Variants in PARP4 observed in about 807,000 individuals in gnomAD.
PARP4 encodes protein mono-ADP-ribosyltransferase PARP4.
Under a neutral mutation model 187.7 loss-of-function variants are expected in PARP4, and 120 were observed. That is an observed-to-expected ratio of 0.64 (90% CI 0.55 to 0.74). The LOEUF (loss-of-function observed/expected upper bound fraction) is 0.74, where lower values mean the gene tolerates loss of function less well. PARP4 is among the 30% of genes least tolerant of loss of function. The probability of loss-of-function intolerance (pLI) is 0.00; values close to 1 mark genes in which losing one functional copy is unlikely to be tolerated. For synonymous variants in PARP4, 654 were observed against 740.9 expected (o/e 0.88, Z 1.90); for missense variants, 1,836 against 2,070.5 (o/e 0.89, Z 2.20).
rs766994716 is a variant in PARP4 at position 24,490,648 on chromosome 13, GAT to G, written c.1214+18_1214+19del. The G allele has an allele frequency of 1.3e-6, 2 of 1,587,196 alleles. No homozygotes were observed. The highest frequency in any genetic ancestry group is 2.2e-5 in the South Asian group (2 of 89,984). The stretch of plus-strand genomic sequence containing the variant: ...AGCATTATATTATAACAGATCCTGA[GAT>G]ATTTCCTTTATGCTTACCTGTGATG... On this transcript the variant is annotated intron_variant, in intron 10 of 33. Transcript: ENST00000381989.
intron 28 of PARP4, 27 bp from the exon 29 acceptor site, chr13:24,442,712 G>A (rs769225936): frequency 2.3e-5 from 29 of 1,255,388 alleles, no homozygotes; most frequent in Non-Finnish European, 3.2e-5. Flanking sequence ...CATAAATCAT[G>A]TCCTGTTTTA....
intron 12 of PARP4, among the ~76,000 whole-genome samples, chr13:24,482,435 G>A (rs1418088473): frequency 3.3e-5 from 5 of 152,150 alleles, no homozygotes; most frequent in Admixed American, 6.5e-5. Flanking sequence ...AATCTTTCAT[G>A]AAAGGAAGAG....
intron 30 of PARP4, among the ~76,000 whole-genome samples, chr13:24,438,974 G>A (rs556931736): frequency 1.1e-4 from 17 of 149,072 alleles, no homozygotes; most frequent in Admixed American, 4.0e-4. Flanking sequence ...TACATGGTCC[G>A]TTCAAACAAC....
chr13:24,440,522 C>T (rs552892709), intron 30 of PARP4, among the ~76,000 whole-genome samples: 19 of 151,726 alleles, frequency 1.3e-4, no homozygotes, highest in African/African-American at 4.6e-4. Context: ...TTTCAGACAC[C>T]TTTGAGAATT....
intron 24 of PARP4, 66 bp from the exon 25 acceptor site, chr13:24,449,883 G>T: frequency 1.0e-6 from 1 of 982,032 alleles, no homozygotes. Flanking sequence ...CATGTTAACA[G>T]TGTTGAGAAA....
intron 15 of PARP4, among the ~76,000 whole-genome samples, chr13:24,472,405 A>G (rs796951902): frequency 4.6e-5 from 7 of 152,154 alleles, no homozygotes; most frequent in African/African-American, 1.4e-4. Flanking sequence ...GGTGGAGGTC[A>G]GCTATATCCA....
At chr13:24,477,649 T>C in intron 14 of PARP4, 52 bp downstream of exon 14, 1 of 948,574 alleles carries the variant, frequency 1.1e-6, no homozygotes, top group South Asian at 1.5e-5. Context: ...ATATAACATT[T>C]GAGGTCTATA....
At chr13:24,438,089 T>C (rs1460554328) in intron 30 of PARP4, among the ~76,000 whole-genome samples, 1 of 152,060 alleles carries the variant, frequency 6.6e-6, no homozygotes, top group African/African-American at 2.4e-5. Context: ...TCAAAATCAC[T>C]CACTTGCTTC....
chr13:24,425,605 C>CTATATATATATATATATATATATATA (rs113002264), intron 33 of PARP4, among the ~76,000 whole-genome samples: 1 of 146,916 alleles, frequency 6.8e-6, no homozygotes, highest in African/African-American at 2.6e-5. Context: ...ATATCTATAT[C>CTATATATATATATATATATATATATA]TATATATCTC....
chr13:24,452,393 C>A lies in PARP4; in HGVS notation c.3014+13G>T, dbSNP rs1404897374. ...GTGGGTCTGGACTATGTGACCAGCT[C>A]TCTGAGACTCACCCGATACCGCAGG... On this transcript the variant is annotated intron_variant, in intron 24 of 33. Transcript: ENST00000381989. 1.2e-6 allele frequency: 2 copies of A among 1,606,028 alleles called. No homozygotes were observed. The highest frequency in any genetic ancestry group is 2.7e-5 in the African/African-American group (2 of 74,944).
intron 12 of PARP4, among the ~76,000 whole-genome samples, chr13:24,484,449 A>G (rs1299125209): frequency 6.6e-5 from 10 of 152,202 alleles, no homozygotes; most frequent in Admixed American, 6.5e-4. Context: ...CTGGGAGTAC[A>G]GGCACGAGCC....
chr13:24,421,367 T>G (rs577307357), intron 33 of PARP4, 53 bp from the exon 34 acceptor site: 1 of 673,248 alleles, frequency 1.5e-6, no homozygotes, highest in African/African-American at 1.8e-5. Context: ...TGAAATGTAA[T>G]GTGGTACTAA....
At chr13:24,452,673 G>T in intron 23 of PARP4, 80 bp from the exon 24 acceptor site, 1 of 1,124,354 alleles carries the variant, frequency 8.9e-7, no homozygotes. Flanking sequence ...CACATCTAAG[G>T]ACAGTGTAGG....
chr13:24,491,032 C>T lies in PARP4; in HGVS notation c.1054-204G>A, dbSNP rs536511621. On this transcript the variant is annotated intron_variant, in intron 9 of 33. Coordinates refer to ENST00000381989, the MANE Select transcript of PARP4 (RefSeq NM_006437.4). ...CCATAGCTCATTGCAGCCTCAACCTCCTGAGTTCAATAGATCCTCCTACCT... is the reference window on the plus strand; with the variant it reads ...CCATAGCTCATTGCAGCCTCAACCTTCTGAGTTCAATAGATCCTCCTACCT... 7.2e-4 allele frequency among the ~76,000 whole-genome samples: 110 copies of T among 152,260 alleles called. 1 individual carries two copies. The highest frequency in any genetic ancestry group is 3.4e-3 in the Middle Eastern group (1 of 294).
chr13:24,450,734 A>C (rs1871468962), intron 24 of PARP4, among the ~76,000 whole-genome samples: 1 of 152,172 alleles, frequency 6.6e-6, no homozygotes, highest in Non-Finnish European at 1.5e-5. Context: ...AAACACTTAG[A>C]AAGATCCCAA....
At chr13:24,476,855 G>C (rs1199616627) in intron 14 of PARP4, among the ~76,000 whole-genome samples, 3 of 152,184 alleles carry the variant, frequency 2.0e-5, no homozygotes, top group Admixed American at 1.3e-4. Context: ...AATTTACTCA[G>C]TGCCTTCAAT....
chr13:24,497,412 G>C (rs193097106), intron 6 of PARP4, among the ~76,000 whole-genome samples: 205 of 152,264 alleles, frequency 1.3e-3, no homozygotes, highest in African/African-American at 4.8e-3. Context: ...GTACACAGCA[G>C]GTGCTTAATG....
At chr13:24,492,989 G>A (rs1456585883) in intron 8 of PARP4, among the ~76,000 whole-genome samples, 1 of 152,154 alleles carries the variant, frequency 6.6e-6, no homozygotes, top group Non-Finnish European at 1.5e-5. Context: ...AATTACACAA[G>A]TACTTCATGG....
intron 23 of PARP4, among the ~76,000 whole-genome samples, chr13:24,453,254 CT>C (rs774345230): frequency 1.5e-3 from 219 of 145,042 alleles, no homozygotes; most frequent in Middle Eastern, 7.1e-3. Flanking sequence ...TTCTTTCTTT[CT>C]TTTTTTTTTT....
Sources: allele counts gnomAD v4.1 joint callset (sites outside exome capture counted in the v4.1 genomes callset), GRCh38; gene constraint gnomAD v4.1.1; transcripts MANE v1.5; gene names NCBI Gene and HGNC (gene_info 2026-07-23, HGNC 2026-07-21).